The following CDH13 variants were observed in gnomAD, a reference collection of about 807,000 sequenced individuals.
The protein encoded by CDH13 is cadherin 13.
In CDH13, 24 loss-of-function variants were observed where a neutral mutation model predicts 63.8. The ratio of observed to expected loss-of-function variants is 0.38; its 90% confidence interval spans 0.27 to 0.53. The LOEUF (loss-of-function observed/expected upper bound fraction) is 0.53. CDH13 is among the 20% of genes least tolerant of loss of function. CDH13 has a pLI of 0.85. For missense variants in CDH13, 1,049 were observed against 903.1 expected (o/e 1.16, Z -2.07); for synonymous variants, 503 against 355.3 (o/e 1.42, Z -4.67).
At chr16:83,281,571 C>G (rs748116014) in intron 5 of CDH13, among the ~76,000 whole-genome samples, 3 of 152,154 alleles carry the variant, frequency 2.0e-5, no homozygotes, top group Non-Finnish European at 4.4e-5. Flanking sequence ...TACAAGAGGT[C>G]TGGCTTTCAG....
intron 6 of CDH13, among the ~76,000 whole-genome samples, chr16:83,462,111 T>C (rs1210576143): frequency 6.6e-6 from 1 of 152,198 alleles, no homozygotes; most frequent in Non-Finnish European, 1.5e-5. Context: ...GAGGGAAACA[T>C]GGGGCAGTGC....
At chr16:83,395,259 A>G (rs2091865513) in intron 6 of CDH13, among the ~76,000 whole-genome samples, 1 of 151,416 alleles carries the variant, frequency 6.6e-6, no homozygotes, top group Non-Finnish European at 1.5e-5. Context: ...GGTTGCAGTG[A>G]GCCAAGACTG....
chr16:83,253,886 G>C (rs1041586787), intron 5 of CDH13, among the ~76,000 whole-genome samples: 1 of 152,186 alleles, frequency 6.6e-6, no homozygotes, highest in Non-Finnish European at 1.5e-5. Context: ...GTATACACAT[G>C]AACAGACACA....
At chr16:83,376,806 A>G (rs2091467784) in intron 6 of CDH13, among the ~76,000 whole-genome samples, 1 of 152,186 alleles carries the variant, frequency 6.6e-6, no homozygotes, top group Non-Finnish European at 1.5e-5. Context: ...GATTTGACCA[A>G]TACAATATGT....
chr16:83,576,054 C>T (rs1416741114), intron 7 of CDH13, among the ~76,000 whole-genome samples: 1 of 152,194 alleles, frequency 6.6e-6, no homozygotes, highest in Non-Finnish European at 1.5e-5. Context: ...AGTTGAGTGG[C>T]ATTTAGTACT....
At chr16:83,235,134 G>A (rs1017033115) in intron 5 of CDH13, among the ~76,000 whole-genome samples, 1 of 152,198 alleles carries the variant, frequency 6.6e-6, no homozygotes, top group African/African-American at 2.4e-5. Context: ...GAGCCTGGGA[G>A]TTCAAGGCTG....
intron 10 of CDH13, chr16:83,735,323 G>C (rs1480963594): frequency 6.6e-6 from 1 of 152,168 alleles, no homozygotes; most frequent in Non-Finnish European, 1.5e-5. Context: ...CTCTTTCGAA[G>C]CAGTTGTAAA....
chr16:83,384,941 A>G (rs2091643284), intron 6 of CDH13, among the ~76,000 whole-genome samples: 1 of 152,222 alleles, frequency 6.6e-6, no homozygotes, highest in Admixed American at 6.5e-5. Context: ...CTCAGTAAGT[A>G]TTTTAAGGCA....
chr16:83,120,078 A>T (rs965956515), intron 3 of CDH13, among the ~76,000 whole-genome samples: 1 of 151,444 alleles, frequency 6.6e-6, no homozygotes, highest in Non-Finnish European at 1.5e-5. Flanking sequence ...GGGCCCAGAG[A>T]GTCGACATGC....
chr16:82,718,786 T>G (rs2032564803), intron 1 of CDH13, among the ~76,000 whole-genome samples: 2 of 152,250 alleles, frequency 1.3e-5, no homozygotes, highest in Non-Finnish European at 2.9e-5. Flanking sequence ...CCCAGCCCCA[T>G]GAATGAATTA....
chr16:83,059,906 G>T (rs886280122), intron 3 of CDH13, among the ~76,000 whole-genome samples: 2 of 148,322 alleles, frequency 1.3e-5, no homozygotes, highest in East Asian at 4.1e-4. Context: ...CCATTCTCCT[G>T]CCTCAGCCTC....
At position 83,064,649 on chromosome 16, in the gene CDH13, A is replaced by G. The variant is rs147944121; in HGVS notation, c.366+32431A>G. On this transcript the variant is annotated intron_variant, in intron 3 of 13. Coordinates refer to ENST00000567109, the MANE Select transcript of CDH13 (RefSeq NM_001257.5). Reference sequence around the variant, plus strand: ...TTTTAGAAATCCAGTATGTTAGCTCACTTTCCAATTCAGACTAGCCAATTT... The same window carrying G: ...TTTTAGAAATCCAGTATGTTAGCTCGCTTTCCAATTCAGACTAGCCAATTT... Among the ~76,000 whole-genome samples, 1,342 of 152,304 alleles carry G rather than the reference A, an allele frequency of 8.8e-3. 16 individuals carry two copies. Among genetic ancestry groups the G allele is most frequent in the African/African-American group, 0.031 (1,271 of 41,556 alleles).
At chr16:83,427,040 C>T (rs1000626005) in intron 6 of CDH13, among the ~76,000 whole-genome samples, 1 of 148,284 alleles carries the variant, frequency 6.7e-6, no homozygotes, top group African/African-American at 2.5e-5. Context: ...CATTCTCCTG[C>T]CTTAGCCTCC....
rs1473515731 is a variant in CDH13 at position 82,852,214 on chromosome 16, C to G, written c.46-6148C>G. 3.9e-5 allele frequency among the ~76,000 whole-genome samples: 6 copies of G among 152,286 alleles called. No homozygotes were observed. In the South Asian group the frequency reaches 8.3e-4, roughly 21 times the overall value. ...TTCAGTCCTGATATTTTTCACTGGC[C>G]TCTGGGATATATCTGTGATGTCAGT... On this transcript the variant is annotated intron_variant, in intron 1 of 13. Transcript: ENST00000567109.
intron 3 of CDH13, among the ~76,000 whole-genome samples, chr16:83,099,257 A>G (rs2034356105): frequency 6.6e-6 from 1 of 152,204 alleles, no homozygotes; most frequent in Non-Finnish European, 1.5e-5. Context: ...TAACTATTAC[A>G]TAAATGTACA....
At chr16:82,966,211 C>T (rs1238967564) in intron 2 of CDH13, among the ~76,000 whole-genome samples, 3 of 152,134 alleles carry the variant, frequency 2.0e-5, no homozygotes, top group Admixed American at 6.5e-5. Flanking sequence ...TGCAGTGGTG[C>T]GATCTCGGCC....
chr16:83,238,428 T>C (rs1904283213), intron 5 of CDH13, among the ~76,000 whole-genome samples: 1 of 152,164 alleles, frequency 6.6e-6, no homozygotes, highest in South Asian at 2.1e-4. Context: ...CCCACCCCCA[T>C]GATTCAATTA....
At chr16:83,009,043 A>G (rs1913845167) in intron 2 of CDH13, among the ~76,000 whole-genome samples, 1 of 152,198 alleles carries the variant, frequency 6.6e-6, no homozygotes, top group Admixed American at 6.5e-5. Context: ...CATGGGGGAA[A>G]CTACTGCCAT....
At chr16:83,541,257 T>C (rs2075291159) in intron 7 of CDH13, among the ~76,000 whole-genome samples, 3 of 152,198 alleles carry the variant, frequency 2.0e-5, no homozygotes, top group Admixed American at 1.3e-4. Context: ...GGTTTTAACA[T>C]GTCATAATAT....
Sources: allele counts gnomAD v4.1 joint callset (sites outside exome capture counted in the v4.1 genomes callset), GRCh38; gene constraint gnomAD v4.1.1; transcripts MANE v1.5; gene names NCBI Gene and HGNC (gene_info 2026-07-23, HGNC 2026-07-21).